The following KCNG4 variants were observed in gnomAD, a reference collection of about 807,000 sequenced individuals.
KCNG4 encodes the protein voltage-gated potassium channel regulatory subunit KCNG4.
A neutral mutation model predicts 28.2 loss-of-function variants in KCNG4; 30 were observed. The observed-to-expected ratio is 1.06, with a 90% CI of 0.80 to 1.44. The LOEUF is 1.44. KCNG4 is among the 40% of genes most tolerant of loss of function. The pLI is 0.00. For missense variants in KCNG4, 879 were observed against 712.3 expected (o/e 1.23, Z -2.66); for synonymous variants, 375 against 315.5 (o/e 1.19, Z -2.00).
intron 2 of KCNG4, among the ~76,000 whole-genome samples, chr16:84,230,341 G>A (rs1365272267): frequency 1.4e-5 from 2 of 138,300 alleles, no homozygotes; most frequent in African/African-American, 2.7e-5. Context: ...GGAGGCAGAC[G>A]TTGCAGTAAG....
intron 1 of KCNG4, among the ~76,000 whole-genome samples, chr16:84,238,515 A>G (rs1232033442): frequency 1.3e-5 from 2 of 152,126 alleles, no homozygotes; most frequent in Non-Finnish European, 2.9e-5. Context: ...TGCCTCAGCC[A>G]TCCTTGCTGT....
chr16:84,228,503 G>A (rs7196274), intron 2 of KCNG4, among the ~76,000 whole-genome samples: 39,245 of 151,960 alleles, frequency 0.26, 5,243 homozygotes, highest in East Asian at 0.42. Flanking sequence ...CTCTCGGCCA[G>A]CCGTGCCCTC....
chr16:84,224,316 A>C (rs1904647136), intron 2 of KCNG4, among the ~76,000 whole-genome samples: 3 of 151,978 alleles, frequency 2.0e-5, no homozygotes, highest in Admixed American at 6.6e-5. Flanking sequence ...TAATTAATGT[A>C]GGTTTGAGCT....
Position 84,236,730 on chromosome 16 carries a change from C to G in KCNG4, c.756G>C (p.Gln252His). The change falls in exon 2 of 3, where the codon CAG (glutamine) becomes CAC (histidine). Residue 252 changes from glutamine to histidine, a missense_variant and splice_region_variant. Physicochemically the swap from Gln to His is conservative, Grantham distance 24 (BLOSUM62 0). Coordinates refer to ENST00000308251, the MANE Select transcript of KCNG4 (RefSeq NM_172347.3). The part of the protein sequence containing the change: ...TMPDLRAEED[Q>H]GECSRKCYYI... ...GTGAATGCCATCAGAGGCCGCTCAC[C>G]TGGTCCTCCTCTGCCCTGAGGTCGG... 1.2e-6 allele frequency: 2 copies of G among 1,606,300 alleles called. No homozygotes were observed. The highest frequency in any genetic ancestry group is 2.2e-5 in the East Asian group (1 of 44,694).
chr16:84,230,871 C>A (rs1904811854), intron 2 of KCNG4, among the ~76,000 whole-genome samples: 1 of 152,228 alleles, frequency 6.6e-6, no homozygotes, highest in Non-Finnish European at 1.5e-5. Context: ...CAGGGCTGGT[C>A]CTGCGCGTGG....
chr16:84,227,934 C>T (rs1904734051), intron 2 of KCNG4, among the ~76,000 whole-genome samples: 1 of 152,120 alleles, frequency 6.6e-6, no homozygotes. Flanking sequence ...AGGAGGGTAG[C>T]AGTGATGGCT....
intron 2 of KCNG4, among the ~76,000 whole-genome samples, chr16:84,228,343 G>T (rs542910891): frequency 6.6e-6 from 1 of 152,184 alleles, no homozygotes; most frequent in Non-Finnish European, 1.5e-5. Context: ...CCATTCTGCA[G>T]CTCGGCATCC....
intron 2 of KCNG4, among the ~76,000 whole-genome samples, chr16:84,231,077 G>T (rs78479794): frequency 6.6e-6 from 1 of 152,190 alleles, no homozygotes; most frequent in Non-Finnish European, 1.5e-5. Context: ...GAGCAGAGCA[G>T]CAGAGCAGGT....
chr16:84,236,579 T>C (rs746664702), intron 2 of KCNG4, 151 bp downstream of exon 2: 44 of 922,598 alleles, frequency 4.8e-5, no homozygotes, highest in Non-Finnish European at 6.6e-5. Flanking sequence ...TTATGACTGA[T>C]GGCCTAATAA....
intron 2 of KCNG4, among the ~76,000 whole-genome samples, chr16:84,234,292 C>T (rs1479805133): frequency 1.3e-5 from 2 of 152,212 alleles, no homozygotes; most frequent in Non-Finnish European, 2.9e-5. Context: ...CCTGCCTCAG[C>T]CTCCCAAGTA....
chr16:84,226,001 A>G lies in KCNG4; in HGVS notation c.757-2981T>C, dbSNP rs945741039. Among the ~76,000 whole-genome samples, 9 of 152,234 alleles carry G rather than the reference A, an allele frequency of 5.9e-5. No homozygotes were observed. Among genetic ancestry groups the G allele is most frequent in the Admixed American group, 5.9e-4 (9 of 15,288 alleles). On this transcript the variant is annotated intron_variant, in intron 2 of 2. Transcript: ENST00000308251. The surrounding 1 kb of genome is among the most constrained non-coding windows in gnomAD (Gnocchi z 4.1). ...AAAGAAAAAAAGGGGAAAGAAGGAA[A>G]GAAAAAAGTTTTCCTTTCTCCCTTT...
intron 1 of KCNG4, 51 bp downstream of exon 1, chr16:84,239,619 C>A (rs1454200058): frequency 2.0e-5 from 3 of 152,128 alleles, no homozygotes; most frequent in Non-Finnish European, 4.4e-5. Context: ...TCCCCCTGGC[C>A]CCCGCCCACC....
intron 2 of KCNG4, among the ~76,000 whole-genome samples, chr16:84,230,335 G>A (rs1416152588): frequency 6.8e-6 from 1 of 146,402 alleles, no homozygotes; most frequent in Non-Finnish European, 1.5e-5. Context: ...AACTCAGGAG[G>A]CAGACGTTGC....
Position 84,222,907 on chromosome 16 carries a change from G to A in KCNG4, c.870C>T (p.Phe290=). The A allele has an allele frequency of 6.2e-7, 1 of 1,611,464 alleles. No homozygotes were observed. The highest frequency in any genetic ancestry group is 8.5e-7 in the Non-Finnish European group (1 of 1,178,182). ...RFVQAQDKCQ[F]FQGPLNIIDI... ...CGATGATGTTCAGGGGCCCCTGGAA[G>A]AACTGACACTTGTCTTGGGCCTGGA... The change falls in exon 3 of 3, where the codon TTC becomes TTT. Residue 290 remains phenylalanine, a synonymous_variant. Coordinates refer to ENST00000308251, the MANE Select transcript of KCNG4 (RefSeq NM_172347.3).
In KCNG4 at chr16:84,221,684, G is replaced by A. The variant is rs1217835554; in HGVS notation, c.*533C>T. The A allele has an allele frequency of 1.3e-5, 2 of 154,600 alleles. No individual in the cohort carries two copies. Among genetic ancestry groups the A allele is most frequent in the Non-Finnish European group, 2.9e-5 (2 of 69,584 alleles). 9.6% of individuals were successfully genotyped at this position (154,600 alleles called of 1,614,324 possible). Reference sequence around the variant, plus strand: ...GTAGCAGCATTAGGGAAATATCACTGGTGGTGGTGAGCAGAAGGAGAACAT... The same window carrying A: ...GTAGCAGCATTAGGGAAATATCACTAGTGGTGGTGAGCAGAAGGAGAACAT... On this transcript the variant is annotated 3_prime_UTR_variant, in exon 3 of 3. Coordinates refer to ENST00000308251, the MANE Select transcript of KCNG4 (RefSeq NM_172347.3).
chr16:84,239,630 C>G (rs1024034514), intron 1 of KCNG4, 40 bp downstream of exon 1: 3 of 152,126 alleles, frequency 2.0e-5, no homozygotes, highest in East Asian at 1.9e-4. Context: ...CCCGCCCACC[C>G]TACAGCAAGC....
At chr16:84,237,675 A>G (rs4782598) in intron 1 of KCNG4, 150 bp from the exon 2 acceptor site, 1 of 475,972 alleles carries the variant, frequency 2.1e-6, no homozygotes, top group East Asian at 3.4e-5. Context: ...AGTTCAACAC[A>G]TATTTATTGA....
Position 84,218,882 on chromosome 16 carries a change from G to C in KCNG4, c.*3335C>G, listed in dbSNP as rs866101879. 6 of 152,234 alleles carry C rather than the reference G, an allele frequency of 3.9e-5. No homozygotes were observed. The highest frequency in any genetic ancestry group is 7.3e-5 in the Non-Finnish European group (5 of 68,050). The allele number at this position is 152,234 out of a possible 1,614,324, so 9.4% of individuals were successfully genotyped here. A position where few individuals can be genotyped will look rare whatever the true frequency, so the allele number is the denominator to read the frequency against. ...GAAGAGGTCTGGTAGGTGAAGCAGA[G>C]GAGAAGGGATATGCCTGGGTAGAAG... On this transcript the variant is annotated 3_prime_UTR_variant, in exon 3 of 3. Transcript: ENST00000308251.
At position 84,222,445 on chromosome 16, in the gene KCNG4, G is replaced by A. The variant is rs775907319; in HGVS notation, c.1332C>T (p.Leu444=). The A allele has an allele frequency of 6.2e-7, 1 of 1,614,154 alleles. No homozygotes were observed. Among genetic ancestry groups the A allele is most frequent in the Non-Finnish European group, 8.5e-7 (1 of 1,180,026 alleles). ...VALSSILSGI[L]IMAFPATSIF... ...TAGACGTGGCCGGGAAGGCCATGAT[G>A]AGGATCCCGCTCAGGATGCTGCTGA... Residue 444 remains leucine (L), a synonymous_variant, in exon 3 of 3, where the codon CTC becomes CTT. Coordinates refer to ENST00000308251, the MANE Select transcript of KCNG4 (RefSeq NM_172347.3).
Sources: gnomAD v4.1 joint callset for allele counts (sites outside exome capture counted in the v4.1 genomes callset) on GRCh38, gnomAD v4.1.1 for gene constraint, Gnocchi (gnomAD v3.1) non-coding constraint, MANE v1.5 for transcripts, NCBI Gene and HGNC (gene_info 2026-07-23, HGNC 2026-07-21) for gene names.